The following TRIM8 variants were observed in gnomAD, a reference collection of about 807,000 sequenced individuals.
TRIM8 encodes E3 ubiquitin-protein ligase TRIM8.
A neutral mutation model predicts 55.7 loss-of-function variants in TRIM8; 9 were observed. The ratio of observed to expected loss-of-function variants is 0.16; its 90% confidence interval spans 0.10 to 0.28. The LOEUF (loss-of-function observed/expected upper bound fraction) is 0.28. TRIM8 is among the 10% of genes least tolerant of loss of function. The pLI, the probability that TRIM8 is intolerant of heterozygous loss-of-function variation, is 1.00. For synonymous variants in TRIM8, 335 were observed against 333.3 expected, an observed-to-expected ratio of 1.01 and a Z score of -0.06; for missense variants, 556 against 736.4, an observed-to-expected ratio of 0.76 and a Z score of 2.83.
At position 102,656,279 on chromosome 10, in the gene TRIM8, C is replaced by T. The variant is rs2064024021; in HGVS notation, c.942C>T (p.Thr314=). 10 of 1,614,220 alleles carry T rather than the reference C, an allele frequency of 6.2e-6. No homozygotes were observed. Among genetic ancestry groups the T allele is most frequent in the Non-Finnish European group, 8.5e-6 (10 of 1,180,030 alleles). ...CGTCCACTGCCCCCAGGACCCAGAC[C>T]TGCACGAGCAGCAGCCTTTCCCCCA... ...SVKILMDRTQ[T]CTSSSLSPTK... The change falls in exon 5 of 6, where the codon ACC becomes ACT. Residue 314 remains threonine, a synonymous_variant. Coordinates refer to ENST00000643721, the MANE Select transcript of TRIM8 (RefSeq NM_030912.3). The surrounding 1 kb of genome is among the most constrained non-coding windows in gnomAD (Gnocchi z 4.6).
At chr10:102,647,037 G>C (rs1277256238) in intron 1 of TRIM8, among the ~76,000 whole-genome samples, 1 of 152,212 alleles carries the variant, frequency 6.6e-6, no homozygotes, top group Non-Finnish European at 1.5e-5. Flanking sequence ...GAATGTCTTT[G>C]AGACTGTGTG....
In TRIM8 at chr10:102,656,549, T is replaced by C. The variant is rs1590110581; in HGVS notation, c.1048+164T>C. On this transcript the variant is annotated intron_variant, in intron 5 of 5. Coordinates refer to ENST00000643721, the MANE Select transcript of TRIM8 (RefSeq NM_030912.3). The surrounding 1 kb of genome is among the most constrained non-coding windows in gnomAD (Gnocchi z 4.6). The stretch of plus-strand genomic sequence containing the variant: ...GGGACAGTGGGTAAGCAACATGACC[T>C]CCCCAGCCTCCATTTCTTCAGCTTA... 7.7e-7 allele frequency: 1 copy of C among 1,305,330 alleles called. No individual in the cohort carries two copies. The highest frequency in any genetic ancestry group is 1.5e-5 in the South Asian group (1 of 66,516). The allele number at this position is 1,305,330 out of a possible 1,614,324, so 80.9% of individuals were successfully genotyped here.
In TRIM8 at chr10:102,657,641, T is replaced by C. The variant is rs1264397057; in HGVS notation, c.*287T>C. 3.9e-5 allele frequency: 13 copies of C among 330,814 alleles called. No individual in the cohort carries two copies. The highest frequency in any genetic ancestry group is 9.2e-5 in the Admixed American group (2 of 21,850). The allele number at this position is 330,814 out of a possible 1,614,324, so 20.5% of individuals were successfully genotyped here. On this transcript the variant is annotated 3_prime_UTR_variant, in exon 6 of 6. Transcript: ENST00000643721. Reference sequence around the variant, plus strand: ...CTGTGTCGAGGCGCTGAGCTCTCTCTCTGTTTCTCCTTTTTTCCTCTACTC... The same window carrying C: ...CTGTGTCGAGGCGCTGAGCTCTCTCCCTGTTTCTCCTTTTTTCCTCTACTC...
intron 1 of TRIM8, 161 bp from the exon 2 acceptor site, chr10:102,654,492 A>T: frequency 1.5e-6 from 1 of 671,110 alleles, no homozygotes; most frequent in Admixed American, 2.3e-5. Context: ...GAGAGCTGGG[A>T]ATAGGCCCCT....
At chr10:102,645,218 CACACACACAG>C in intron 1 of TRIM8, 31 bp downstream of exon 1, 1 of 1,507,410 alleles carries the variant, frequency 6.6e-7, no homozygotes, top group Non-Finnish European at 8.8e-7. Flanking sequence ...CGCGCACACA[CACACACACAG>C]ACACACAGTC....
rs545802670 is a variant in TRIM8 at position 102,657,367 on chromosome 10, G to A, written c.*13G>A. The A allele has an allele frequency of 3.0e-4, 460 of 1,541,290 alleles. 7 individuals are homozygous for A. In the South Asian group the frequency reaches 5.4e-3, roughly 18 times the overall value. On this transcript the variant is annotated 3_prime_UTR_variant, in exon 6 of 6. Coordinates refer to ENST00000643721, the MANE Select transcript of TRIM8 (RefSeq NM_030912.3). ...CGTGACGAGCTAACGCCACGCAGGC[G>A]GCGGGGCGCTGGGGAATCTTCCTCC...
chr10:102,655,993 G>C, intron 3 of TRIM8, 113 bp from the exon 4 acceptor site: 2 of 1,495,618 alleles, frequency 1.3e-6, no homozygotes, highest in South Asian at 2.3e-5. Context: ...CAGAATGAGA[G>C]GATCCACCCA....
chr10:102,649,742 C>G (rs1329229857), intron 1 of TRIM8, among the ~76,000 whole-genome samples: 1 of 152,256 alleles, frequency 6.6e-6, no homozygotes, highest in Non-Finnish European at 1.5e-5. Flanking sequence ...GAGCCCCTTC[C>G]CTCTGCAGCT....
rs200444633 is a variant in TRIM8 at position 102,655,236 on chromosome 10, C to G, written c.823C>G (p.Arg275Gly). 3 of 1,601,846 alleles carry G rather than the reference C, an allele frequency of 1.9e-6. No homozygotes were observed. Among genetic ancestry groups the G allele is most frequent in the East Asian group, 2.2e-5 (1 of 44,772 alleles). Residue 275 changes from arginine to glycine, a missense_variant, in exon 3 of 6, where the codon CGC becomes GGC. By Grantham distance (125) the Arg-to-Gly change is moderately radical. Coordinates refer to ENST00000643721, the MANE Select transcript of TRIM8 (RefSeq NM_030912.3). ...NAAQALHLGE[R>G]MQEAKKLLGS... ...AGCGCAGGCGCTGCACCTCGGGGAG[C>G]GCATGCAGGAGGCCAAGAAGCTGCT...
intron 1 of TRIM8, among the ~76,000 whole-genome samples, chr10:102,646,871 G>A (rs1051045329): frequency 6.6e-6 from 1 of 152,232 alleles, no homozygotes; most frequent in African/African-American, 2.4e-5. Context: ...GAACAGGGGA[G>A]GGGCAGCAAC....
In TRIM8 at chr10:102,644,549, C is replaced by A; in HGVS notation, c.-69C>A. 2 of 1,490,314 alleles carry A rather than the reference C, an allele frequency of 1.3e-6. No homozygotes were observed. The highest frequency in any genetic ancestry group is 2.0e-5 in the Admixed American group (1 of 50,356). The allele number at this position is 1,490,314 out of a possible 1,614,324, so 92.3% of individuals were successfully genotyped here. A position where few individuals can be genotyped will look rare whatever the true frequency, so the allele number is the denominator to read the frequency against. On this transcript the variant is annotated 5_prime_UTR_variant, in exon 1 of 6. Coordinates refer to ENST00000643721, the MANE Select transcript of TRIM8 (RefSeq NM_030912.3). ...AGCTCGGGGCTCGGTGGGCCTACAG[C>A]GGCTCCGGACGGACCCCCGGGGCTG...
intron 1 of TRIM8, among the ~76,000 whole-genome samples, chr10:102,647,235 T>TGTGTGC (rs2063944401): frequency 6.6e-6 from 1 of 152,086 alleles, no homozygotes; most frequent in Non-Finnish European, 1.5e-5. Context: ...TGTGTGTGCG[T>TGTGTGC]GTGTGCGTGT....
At chr10:102,653,123 G>T (rs2063997984) in intron 1 of TRIM8, among the ~76,000 whole-genome samples, 2 of 152,078 alleles carry the variant, frequency 1.3e-5, no homozygotes, top group South Asian at 4.1e-4. Context: ...TTGTTAACTT[G>T]GATTTAAATA....
chr10:102,655,429 G>T, intron 3 of TRIM8, 116 bp downstream of exon 3: 1 of 964,392 alleles, frequency 1.0e-6, no homozygotes, highest in Non-Finnish European at 1.6e-6. Flanking sequence ...AGCATGCATG[G>T]GTTCAAATCC....
In TRIM8 at chr10:102,657,396, G is replaced by GC; in HGVS notation, c.*47dup. The GC allele has an allele frequency of 6.6e-7, 1 of 1,520,254 alleles. No individual in the cohort carries two copies. Among genetic ancestry groups the GC allele is most frequent in the Middle Eastern group, 1.9e-4 (1 of 5,132 alleles). 94.2% of individuals were successfully genotyped at this position (1,520,254 alleles called of 1,614,324 possible). On this transcript the variant is annotated 3_prime_UTR_variant, in exon 6 of 6. Coordinates refer to ENST00000643721, the MANE Select transcript of TRIM8 (RefSeq NM_030912.3). ...GGGCGCTGGGGAATCTTCCTCCCCAGCCCCCGGGCTCGGGAGTTATGCATC... is the reference window on the plus strand; with the variant it reads ...GGGCGCTGGGGAATCTTCCTCCCCAGCCCCCCGGGCTCGGGAGTTATGCATC...
Position 102,657,071 on chromosome 10 carries a change from C to G in TRIM8, c.1373C>G (p.Pro458Arg). 1 of 1,613,594 alleles carries G rather than the reference C, an allele frequency of 6.2e-7. No homozygotes were observed. ...TCCGCCGCCCAGCAGCCCATGCTCC[C>G]CCAGTATGGCGGCCGCAAGATTCTC... Reference protein sequence around the residue: ...NGSAAQQPMLPQYGGRKILVC... With the variant: ...NGSAAQQPMLRQYGGRKILVC... The change falls in exon 6 of 6, where the codon CCC becomes CGC. Residue 458 changes from proline (P) to arginine (R), a missense_variant. Transcript: ENST00000643721.
At position 102,655,110 on chromosome 10, in the gene TRIM8, C is replaced by T; in HGVS notation, c.697C>T (p.Arg233Trp). 6.2e-7 allele frequency: 1 copy of T among 1,612,794 alleles called. No homozygotes were observed. Among genetic ancestry groups the T allele is most frequent in the East Asian group, 2.2e-5 (1 of 44,880 alleles). ...AGTGAACCAACTGAAGGAGGAAGTT[C>T]GGCTGCAGTACGAGAAGCTGCACCA... ...EKVNQLKEEV[R>W]LQYEKLHQLL... is the part of the protein sequence containing the mutation. Residue 233 changes from arginine to tryptophan, a missense_variant, in exon 3 of 6, where the codon CGG (arginine) becomes TGG (tryptophan). By Grantham distance (101) the Arg-to-Trp change is moderately radical (BLOSUM62 -3). Transcript: ENST00000643721.
In TRIM8 at chr10:102,653,829, G is replaced by GA. The variant is rs1181478055; in HGVS notation, c.571-822dup. ...CAGAGGTTCACGTGGCTATGGAAGG[G>GA]AATTTGACCCCCTGCATCTTAGGGT... On this transcript the variant is annotated intron_variant, in intron 1 of 5. Coordinates refer to ENST00000643721, the MANE Select transcript of TRIM8 (RefSeq NM_030912.3). 2.6e-5 allele frequency: 4 copies of GA among 152,230 alleles called. No homozygotes were observed. In the East Asian group the frequency reaches 7.7e-4, roughly 29 times the overall value. 9.4% of individuals were successfully genotyped at this position (152,230 alleles called of 1,614,324 possible).
intron 3 of TRIM8, among the ~76,000 whole-genome samples, chr10:102,655,806 C>T (rs185891045): frequency 6.6e-6 from 1 of 152,222 alleles, no homozygotes; most frequent in Non-Finnish European, 1.5e-5. Context: ...CAAAACACAT[C>T]TGGCCCCAAA....
Sources: allele counts gnomAD v4.1 joint callset (sites outside exome capture counted in the v4.1 genomes callset), GRCh38; gene constraint gnomAD v4.1.1; non-coding constraint Gnocchi (gnomAD v3.1); transcripts MANE v1.5; gene names NCBI Gene and HGNC (gene_info 2026-07-23, HGNC 2026-07-21).